CDH23: variants seen among roughly 807,000 people sequenced by gnomAD.
The protein encoded by CDH23 is cadherin-23.
Under a neutral mutation model 317.1 loss-of-function variants are expected in CDH23, and 189 were observed. The observed-to-expected ratio is 0.60, with a 90% CI of 0.53 to 0.67. The LOEUF (loss-of-function observed/expected upper bound fraction) is 0.67, where lower values mean the gene tolerates loss of function less well. CDH23 is among the 30% of genes least tolerant of loss of function. CDH23 has a pLI of 0.00. For missense variants in CDH23, 4,401 were observed against 4,592.4 expected, an observed-to-expected ratio of 0.96 and a Z score of 1.20; for synonymous variants, 1,839 against 1,876.8, an observed-to-expected ratio of 0.98 and a Z score of 0.52.
intron 9 of CDH23, among the ~76,000 whole-genome samples, chr10:71,589,618 T>C (rs1227550744): frequency 1.3e-5 from 2 of 152,154 alleles, no homozygotes; most frequent in East Asian, 3.9e-4. Flanking sequence ...TTTCGGAGGT[T>C]AGGAAAGGGT....
intron 11 of CDH23, among the ~76,000 whole-genome samples, chr10:71,625,411 A>AC (rs369650190): frequency 0.042 from 5,419 of 130,080 alleles, 273 homozygotes; most frequent in African/African-American, 0.074. Context: ...AAAAAAAAAA[A>AC]AAAAAAAAAA....
chr10:71,767,379 C>T (rs1386216536), intron 38 of CDH23, among the ~76,000 whole-genome samples: 1 of 152,212 alleles, frequency 6.6e-6, no homozygotes, highest in Non-Finnish European at 1.5e-5. Context: ...TAGGAAGCCC[C>T]ACCCAAACAG....
rs267602568 is a variant in CDH23, at chr10:71,694,253, C to T, written c.2283C>T (p.Ile761=). The T allele has an allele frequency of 6.2e-6, 10 of 1,611,312 alleles. No individual in the cohort carries two copies. The highest frequency in any genetic ancestry group is 2.7e-5 in the African/African-American group (2 of 74,850). The stretch of plus-strand genomic sequence containing the variant: ...TGGGCCACAACCAGAAAACTGGCAT[C>T]GCCACCGTGAGTGCGCTCCCCTCCC... The part of the protein sequence containing the change: ...GGVGHNQKTG[I]ATVNITLLDI... The change falls in exon 21 of 70, where the codon ATC becomes ATT. Residue 761 remains isoleucine, a synonymous_variant. Coordinates refer to ENST00000224721, the MANE Select transcript of CDH23 (RefSeq NM_022124.6).
chr10:71,722,758 C>A (rs1866617653), intron 28 of CDH23, among the ~76,000 whole-genome samples: 1 of 152,148 alleles, frequency 6.6e-6, no homozygotes, highest in Non-Finnish European at 1.5e-5. Context: ...ATGCAAATAT[C>A]TGGAGGGAGA....
intron 28 of CDH23, 99 bp from the exon 29 acceptor site, chr10:71,723,945 TG>T: frequency 7.5e-7 from 1 of 1,337,060 alleles, no homozygotes; most frequent in Non-Finnish European, 1.0e-6. Flanking sequence ...TTTGGCAGGA[TG>T]GGGTAGGATG....
intron 7 of CDH23, among the ~76,000 whole-genome samples, chr10:71,567,236 CT>C (rs1857460934): frequency 6.6e-6 from 1 of 152,234 alleles, no homozygotes; most frequent in Non-Finnish European, 1.5e-5. Context: ...AATTCAGTGA[CT>C]TTCCATGGTC....
intron 3 of CDH23, among the ~76,000 whole-genome samples, chr10:71,495,437 G>C (rs975225095): frequency 1.1e-4 from 16 of 152,174 alleles, no homozygotes; most frequent in African/African-American, 3.9e-4. Context: ...GACAAGCTGG[G>C]TTGGGTCTCT....
At chr10:71,474,559 G>A (rs776637037) in intron 3 of CDH23, among the ~76,000 whole-genome samples, 7 of 152,200 alleles carry the variant, frequency 4.6e-5, no homozygotes, top group Non-Finnish European at 8.8e-5. Context: ...CTGGCAACTA[G>A]CAGCTGTTAG....
intron 6 of CDH23, among the ~76,000 whole-genome samples, chr10:71,529,799 T>C (rs1855256316): frequency 6.6e-6 from 1 of 152,018 alleles, no homozygotes; most frequent in Non-Finnish European, 1.5e-5. Flanking sequence ...AACAGGCCCT[T>C]TCCTGCCTCC....
At chr10:71,500,146 G>C (rs1398669543) in intron 3 of CDH23, among the ~76,000 whole-genome samples, 2 of 152,092 alleles carry the variant, frequency 1.3e-5, no homozygotes, top group African/African-American at 4.8e-5. Context: ...ACAAAGAAAT[G>C]ATAAGTGTTT....
chr10:71,775,356 G>C lies in CDH23; in HGVS notation c.4846-2324G>C, dbSNP rs149351351. Among the ~76,000 whole-genome samples, 63 of 152,224 alleles carry C rather than the reference G, an allele frequency of 4.1e-4. 1 individual carries two copies. The highest frequency in any genetic ancestry group is 1.3e-3 in the African/African-American group (55 of 41,526). ...TTCCCCAGGGCCTAGCAGCCGGGGAGGGCCTGGAATTAGAGAAAGGGGAGC... is the reference window on the plus strand; with the variant it reads ...TTCCCCAGGGCCTAGCAGCCGGGGACGGCCTGGAATTAGAGAAAGGGGAGC... On this transcript the variant is annotated intron_variant, in intron 38 of 69. Transcript: ENST00000224721.
chr10:71,681,936 G>A (rs1864669578), intron 17 of CDH23, among the ~76,000 whole-genome samples: 1 of 152,224 alleles, frequency 6.6e-6, no homozygotes, highest in African/African-American at 2.4e-5. Context: ...GTGCTTACCT[G>A]GAGAGAGGAG....
At chr10:71,711,252 A>G (rs1865959386) in intron 27 of CDH23, among the ~76,000 whole-genome samples, 1 of 151,836 alleles carries the variant, frequency 6.6e-6, no homozygotes, top group Non-Finnish European at 1.5e-5. Context: ...CCACACACAC[A>G]CCAATCCCAG....
At chr10:71,739,513 C>T (rs773116009) in intron 35 of CDH23, 131 bp from the exon 36 acceptor site, 66 of 1,098,270 alleles carry the variant, frequency 6.0e-5, no homozygotes, top group Non-Finnish European at 8.1e-5. Context: ...GCTTAAAACA[C>T]TGCACTCCCA....
chr10:71,734,465 C>A (rs1839497729), intron 33 of CDH23, 124 bp downstream of exon 33: 2 of 1,497,642 alleles, frequency 1.3e-6, no homozygotes, highest in East Asian at 4.8e-5. Flanking sequence ...TCTTGATAGC[C>A]TGAGGCTTCG....
intron 14 of CDH23, among the ~76,000 whole-genome samples, chr10:71,654,241 A>C (rs1430591357): frequency 1.3e-5 from 2 of 152,164 alleles, no homozygotes; most frequent in Non-Finnish European, 2.9e-5. Flanking sequence ...CACCATCTTG[A>C]AATTCTGATA....
chr10:71,618,474 C>T (rs930543287), intron 11 of CDH23, among the ~76,000 whole-genome samples: 2 of 152,210 alleles, frequency 1.3e-5, no homozygotes, highest in African/African-American at 4.8e-5. Flanking sequence ...CCCCATCTCC[C>T]TGCCTGTCAG....
chr10:71,632,497 G>A (rs375858755), intron 11 of CDH23, among the ~76,000 whole-genome samples: 1 of 152,172 alleles, frequency 6.6e-6, no homozygotes. Flanking sequence ...GCACCGGTGG[G>A]TGGGGACTGG....
chr10:71,692,406 G>A (rs929673254), intron 20 of CDH23, among the ~76,000 whole-genome samples: 8 of 152,160 alleles, frequency 5.3e-5, no homozygotes, highest in African/African-American at 1.7e-4. Flanking sequence ...TGAGTTCCTC[G>A]GTCAAATTAG....
Sources: gnomAD v4.1 joint callset for allele counts (sites outside exome capture counted in the v4.1 genomes callset) on GRCh38, gnomAD v4.1.1 for gene constraint, MANE v1.5 for transcripts, NCBI Gene and HGNC (gene_info 2026-07-23, HGNC 2026-07-21) for gene names.